The following EPB41 variants were observed in gnomAD, a reference collection of about 807,000 sequenced individuals.
EPB41 encodes the protein protein 4.1.
Under a neutral mutation model 108.0 loss-of-function variants are expected in EPB41, and 65 were observed. That is an observed-to-expected ratio of 0.60 (90% confidence interval 0.49 to 0.74). The LOEUF (loss-of-function observed/expected upper bound fraction) is 0.74. Among genes scored for constraint, EPB41 ranks in the 30% least tolerant of loss-of-function variants. The probability of loss-of-function intolerance (pLI) is 0.00; values close to 1 mark genes in which losing one functional copy is unlikely to be tolerated. For missense variants in EPB41, 875 were observed against 1,037.0 expected (o/e 0.84, Z 2.15); for synonymous variants, 336 against 358.9 (o/e 0.94, Z 0.72).
chr1:29,115,677 C>T lies in EPB41; in HGVS notation c.2497-22C>T. 1 of 1,603,736 alleles carries T rather than the reference C, an allele frequency of 6.2e-7. No homozygotes were observed. The highest frequency in any genetic ancestry group is 8.5e-7 in the Non-Finnish European group (1 of 1,170,926). On this transcript the variant is annotated intron_variant, in intron 19 of 20. Coordinates refer to ENST00000343067, the MANE Select transcript of EPB41 (RefSeq NM_001376013.1). This position sits in a 1 kb window ranked among gnomAD's most constrained non-coding sequence, Gnocchi z 4.4. Reference sequence around the variant, plus strand: ...CATCAGGCTATTTTCTGCCTCATTGCCCTTGTTTCTGTCTTTTGTAGGTCC... The same window carrying T: ...CATCAGGCTATTTTCTGCCTCATTGTCCTTGTTTCTGTCTTTTGTAGGTCC...
chr1:28,940,861 A>T (rs770521063), intron 1 of EPB41, among the ~76,000 whole-genome samples: 1 of 152,144 alleles, frequency 6.6e-6, no homozygotes, highest in South Asian at 2.1e-4. Context: ...ATGCATTAGG[A>T]TATCCATTGT....
intron 1 of EPB41, among the ~76,000 whole-genome samples, chr1:28,963,154 G>GT (rs1174229864): frequency 6.6e-6 from 1 of 151,880 alleles, no homozygotes; most frequent in Admixed American, 6.6e-5. Context: ...AAACAAGTTT[G>GT]TTTTTTTATA....
chr1:28,896,152 C>A (rs1287667054), intron 1 of EPB41, among the ~76,000 whole-genome samples: 2 of 152,170 alleles, frequency 1.3e-5, no homozygotes, highest in African/African-American at 4.8e-5. Context: ...AATAAAAGAA[C>A]CTACCTACCT....
chr1:29,110,972 G>A (rs929319570), intron 18 of EPB41, among the ~76,000 whole-genome samples: 1 of 151,962 alleles, frequency 6.6e-6, no homozygotes, highest in African/African-American at 2.4e-5. Flanking sequence ...TTCAAGACCA[G>A]CCTGGCCAAC....
chr1:29,087,935 A>T (rs1659753790), intron 16 of EPB41, among the ~76,000 whole-genome samples: 1 of 152,152 alleles, frequency 6.6e-6, no homozygotes, highest in Non-Finnish European at 1.5e-5. Context: ...ATATTTGTCT[A>T]ATATTCTTTT....
rs191142213 is a variant in EPB41 at position 28,948,415 on chromosome 1, A to G, written c.-8+33647A>G. Reference sequence around the variant, plus strand: ...TCCCAGCTACTCGGGAGGCTGAGGCAGGAGAATGGCATGAACCCGAGAGGC... The same window carrying G: ...TCCCAGCTACTCGGGAGGCTGAGGCGGGAGAATGGCATGAACCCGAGAGGC... On this transcript the variant is annotated intron_variant, in intron 1 of 20. Transcript: ENST00000343067. 6.7e-3 allele frequency among the ~76,000 whole-genome samples: 1,007 copies of G among 151,384 alleles called. 44 individuals carry two copies. Among genetic ancestry groups the G allele is most frequent in the Admixed American group, 0.06 (903 of 15,162 alleles).
chr1:29,008,577 C>T (rs139459161), intron 4 of EPB41, among the ~76,000 whole-genome samples: 3 of 152,168 alleles, frequency 2.0e-5, no homozygotes, highest in African/African-American at 4.8e-5. Context: ...TCTGCTGGAC[C>T]ACAGTTATCA....
chr1:28,995,726 G>A (rs1475086586), intron 3 of EPB41, among the ~76,000 whole-genome samples: 1 of 152,144 alleles, frequency 6.6e-6, no homozygotes, highest in Non-Finnish European at 1.5e-5. Context: ...TCATTCTGAG[G>A]TGGATAAATT....
intron 9 of EPB41, among the ~76,000 whole-genome samples, chr1:29,035,504 G>C (rs773204891): frequency 1.3e-5 from 2 of 151,626 alleles, no homozygotes; most frequent in African/African-American, 4.9e-5. Flanking sequence ...CTAAGGAAAA[G>C]CAGTGTCTGG....
At chr1:28,983,972 A>C (rs991180851) in intron 1 of EPB41, among the ~76,000 whole-genome samples, 3 of 139,560 alleles carry the variant, frequency 2.1e-5, no homozygotes, top group African/African-American at 8.1e-5. Flanking sequence ...TGGTAAATAC[A>C]GGGGATTTTA....
At chr1:29,060,557 T>G in intron 15 of EPB41, 73 bp downstream of exon 15, 1 of 1,368,778 alleles carries the variant, frequency 7.3e-7, no homozygotes. Flanking sequence ...TCCCCTTTTC[T>G]TCATTCTGTG....
At chr1:28,896,558 C>T (rs1390708900) in intron 1 of EPB41, among the ~76,000 whole-genome samples, 1 of 152,214 alleles carries the variant, frequency 6.6e-6, no homozygotes, top group Non-Finnish European at 1.5e-5. Context: ...ACCAACTCCA[C>T]CTTTATTGAA....
At chr1:29,010,324 G>A (rs2096479327) in intron 4 of EPB41, among the ~76,000 whole-genome samples, 1 of 152,088 alleles carries the variant, frequency 6.6e-6, no homozygotes, top group Admixed American at 6.6e-5. Context: ...GGGCCACAGA[G>A]CGAGACCCTG....
chr1:28,933,879 T>C (rs1001084042), intron 1 of EPB41, among the ~76,000 whole-genome samples: 4 of 152,184 alleles, frequency 2.6e-5, no homozygotes, highest in African/African-American at 9.6e-5. Context: ...TACCCCACAC[T>C]GCAGTTTCCT....
At chr1:28,960,244 C>T (rs2095148334) in intron 1 of EPB41, among the ~76,000 whole-genome samples, 1 of 151,548 alleles carries the variant, frequency 6.6e-6, no homozygotes, top group Admixed American at 6.6e-5. Flanking sequence ...CTCCTGGGCT[C>T]AAGTGATCCA....
intron 1 of EPB41, among the ~76,000 whole-genome samples, chr1:28,905,714 G>A (rs2091757578): frequency 1.3e-5 from 2 of 152,188 alleles, no homozygotes; most frequent in South Asian, 4.2e-4. Flanking sequence ...GCTGATGAAG[G>A]GTGGGTGACT....
chr1:28,958,417 C>T (rs1162457790), intron 1 of EPB41, among the ~76,000 whole-genome samples: 1 of 151,722 alleles, frequency 6.6e-6, no homozygotes, highest in African/African-American at 2.4e-5. Flanking sequence ...CACTGCACTC[C>T]AGCCTGGGTG....
intron 2 of EPB41, among the ~76,000 whole-genome samples, chr1:28,990,583 C>A (rs113945070): frequency 4.2e-4 from 64 of 151,730 alleles, no homozygotes; most frequent in African/African-American, 1.5e-3. Context: ...ACATGCCCAG[C>A]TAATTTTTAA....
At chr1:29,037,562 A>C (rs1038517933) in intron 10 of EPB41, among the ~76,000 whole-genome samples, 1 of 151,550 alleles carries the variant, frequency 6.6e-6, no homozygotes, top group Non-Finnish European at 1.5e-5. Context: ...TATTGAAAGG[A>C]AAGTTGGCTA....
Sources: gnomAD v4.1 joint callset for allele counts (sites outside exome capture counted in the v4.1 genomes callset) on GRCh38, gnomAD v4.1.1 for gene constraint, Gnocchi (gnomAD v3.1) non-coding constraint, MANE v1.5 for transcripts, NCBI Gene and HGNC (gene_info 2026-07-23, HGNC 2026-07-21) for gene names.